GRIK2: variants seen among roughly 807,000 people sequenced by gnomAD.
The protein encoded by GRIK2 is glutamate ionotropic receptor kainate type subunit 2.
Under a neutral mutation model 100.3 loss-of-function variants are expected in GRIK2, and 32 were observed. The observed-to-expected ratio is 0.32, with a 90% confidence interval of 0.24 to 0.43. GRIK2 has a LOEUF of 0.43. Ranked by LOEUF, GRIK2 falls within the 20% of genes least tolerant of loss-of-function variation. GRIK2 has a pLI of 1.00. For missense variants in GRIK2, 843 were observed against 1,114.9 expected (o/e 0.76, Z 3.47); for synonymous variants, 417 against 389.4 (o/e 1.07, Z -0.83).
intron 2 of GRIK2, among the ~76,000 whole-genome samples, chr6:101,583,804 C>G (rs1778217508): frequency 6.6e-6 from 1 of 151,914 alleles, no homozygotes; most frequent in Non-Finnish European, 1.5e-5. Context: ...TGTTGTATGT[C>G]TTGTCCATGA....
chr6:101,802,304 AT>A, intron 8 of GRIK2, 26 bp from the exon 9 acceptor site: 2 of 907,842 alleles, frequency 2.2e-6, no homozygotes, highest in South Asian at 3.6e-5. Context: ...TCACTTATTT[AT>A]TATCAATGTT....
At chr6:102,059,432 A>T (rs1771632467) in intron 16 of GRIK2, among the ~76,000 whole-genome samples, 1 of 151,166 alleles carries the variant, frequency 6.6e-6, no homozygotes, top group Non-Finnish European at 1.5e-5. Context: ...GATTTTAAAG[A>T]TATTTCTACT....
intron 2 of GRIK2, among the ~76,000 whole-genome samples, chr6:101,582,951 C>T (rs548750651): frequency 1.3e-5 from 2 of 152,200 alleles, no homozygotes; most frequent in African/African-American, 4.8e-5. Flanking sequence ...TTGTGGAAAG[C>T]CCTGTTCTCT....
intron 2 of GRIK2, among the ~76,000 whole-genome samples, chr6:101,443,137 C>T (rs1035316557): frequency 3.3e-5 from 5 of 151,852 alleles, no homozygotes; most frequent in African/African-American, 9.7e-5. Flanking sequence ...ATTCAAAGTA[C>T]GAAAGGGGTC....
At chr6:101,808,171 C>G (rs374756789) in intron 9 of GRIK2, among the ~76,000 whole-genome samples, 1 of 151,884 alleles carries the variant, frequency 6.6e-6, no homozygotes, top group Non-Finnish European at 1.5e-5. Context: ...CAGAAATATT[C>G]AGGAAGATCT....
intron 10 of GRIK2, among the ~76,000 whole-genome samples, chr6:101,836,288 G>T (rs1426500040): frequency 6.6e-6 from 1 of 151,902 alleles, no homozygotes; most frequent in African/African-American, 2.4e-5. Flanking sequence ...TCATTATGTT[G>T]AACATTCTCT....
chr6:101,827,426 C>T (rs1199690398), intron 10 of GRIK2, among the ~76,000 whole-genome samples: 1 of 151,606 alleles, frequency 6.6e-6, no homozygotes, highest in Non-Finnish European at 1.5e-5. Context: ...ATAAGCCTGG[C>T]ATACTATTTG....
At chr6:102,013,295 C>A (rs1795646624) in intron 14 of GRIK2, among the ~76,000 whole-genome samples, 1 of 152,068 alleles carries the variant, frequency 6.6e-6, no homozygotes, top group Non-Finnish European at 1.5e-5. Context: ...GTAACTGAAA[C>A]CTTGCTGAGG....
At chr6:101,544,071 A>G (rs1184268240) in intron 2 of GRIK2, among the ~76,000 whole-genome samples, 1 of 152,196 alleles carries the variant, frequency 6.6e-6, no homozygotes, top group African/African-American at 2.4e-5. Context: ...TCTTGATGGA[A>G]GAGTGTCAAA....
At chr6:101,662,397 A>G (rs1249028844) in intron 4 of GRIK2, among the ~76,000 whole-genome samples, 1 of 152,174 alleles carries the variant, frequency 6.6e-6, no homozygotes, top group African/African-American at 2.4e-5. Context: ...CTTGAGTTTC[A>G]AGAAACTGCC....
chr6:101,457,091 G>A (rs775957542), intron 2 of GRIK2, among the ~76,000 whole-genome samples: 5 of 152,076 alleles, frequency 3.3e-5, no homozygotes, highest in Non-Finnish European at 5.9e-5. Flanking sequence ...CTTATGCTTA[G>A]GCAAAGCTAT....
intron 2 of GRIK2, among the ~76,000 whole-genome samples, chr6:101,495,695 G>C (rs969057147): frequency 3.3e-5 from 5 of 151,968 alleles, no homozygotes; most frequent in African/African-American, 9.7e-5. Flanking sequence ...TGTTTTTAAG[G>C]CTTCTGATTC....
chr6:101,652,689 A>G (rs186465978), intron 4 of GRIK2, among the ~76,000 whole-genome samples: 1 of 152,308 alleles, frequency 6.6e-6, no homozygotes, highest in East Asian at 1.9e-4. Flanking sequence ...GGAGAGAAGG[A>G]AGACTTAATA....
intron 2 of GRIK2, among the ~76,000 whole-genome samples, chr6:101,473,555 C>G (rs980714787): frequency 1.3e-5 from 2 of 151,752 alleles, no homozygotes; most frequent in Non-Finnish European, 1.5e-5. Context: ...TTTCCAACAA[C>G]TAAAAATAAA....
chr6:101,944,686 G>T (rs1791165215), intron 14 of GRIK2, among the ~76,000 whole-genome samples: 1 of 151,434 alleles, frequency 6.6e-6, no homozygotes, highest in Admixed American at 6.6e-5. Flanking sequence ...AATTTCAAAA[G>T]AAAAAAATAT....
At chr6:101,590,298 A>G (rs1310303379) in intron 2 of GRIK2, among the ~76,000 whole-genome samples, 1 of 152,002 alleles carries the variant, frequency 6.6e-6, no homozygotes, top group Non-Finnish European at 1.5e-5. Context: ...CAGGTAACTC[A>G]GTGTTAGGTT....
intron 7 of GRIK2, among the ~76,000 whole-genome samples, chr6:101,693,911 A>C (rs188020780): frequency 5.3e-5 from 8 of 152,120 alleles, no homozygotes; most frequent in Admixed American, 5.2e-4. Context: ...TTCAACAGCT[A>C]TATGGTTTTA....
At chr6:101,709,629 A>C (rs1338527431) in intron 7 of GRIK2, among the ~76,000 whole-genome samples, 3 of 151,794 alleles carry the variant, frequency 2.0e-5, no homozygotes, top group Non-Finnish European at 4.4e-5. Flanking sequence ...GCTATTCTCT[A>C]GTTAATATAG....
intron 4 of GRIK2, among the ~76,000 whole-genome samples, chr6:101,636,453 A>G (rs138571135): frequency 1.2e-4 from 19 of 152,256 alleles, no homozygotes; most frequent in African/African-American, 4.3e-4. Context: ...TACCTACGTA[A>G]CATACCTGCA....
Sources: allele counts gnomAD v4.1 joint callset (sites outside exome capture counted in the v4.1 genomes callset), GRCh38; gene constraint gnomAD v4.1.1; transcripts MANE v1.5; gene names NCBI Gene and HGNC (gene_info 2026-07-23, HGNC 2026-07-21).